Variants in ACAD11 observed in about 807,000 individuals in gnomAD.
ACAD11 encodes acyl-Coenzyme A dehydrogenase family, member 11.
A neutral mutation model predicts 102.2 loss-of-function variants in ACAD11; 83 were observed. The observed-to-expected ratio is 0.81, with a 90% confidence interval of 0.68 to 0.97. The LOEUF (loss-of-function observed/expected upper bound fraction) is 0.97, where lower values mean the gene tolerates loss of function less well. Among genes scored for constraint, ACAD11 ranks in the 50% least tolerant of loss-of-function variants. The pLI, the probability that ACAD11 is intolerant of heterozygous loss-of-function variation, is 0.00. For synonymous variants in ACAD11, 324 were observed against 319.8 expected (o/e 1.01, Z -0.14); for missense variants, 901 against 951.7 (o/e 0.95, Z 0.70).
chr3:132,582,198 G>A (rs997507708), intron 13 of ACAD11, among the ~76,000 whole-genome samples: 10 of 151,852 alleles, frequency 6.6e-5, no homozygotes, highest in Admixed American at 5.3e-4. Context: ...AGCAGAGAGA[G>A]TTATGAGACA....
intron 11 of ACAD11, 90 bp downstream of exon 11, chr3:132,618,544 T>A: frequency 8.7e-7 from 1 of 1,146,938 alleles, no homozygotes; most frequent in Non-Finnish European, 1.1e-6. Context: ...GTCAATAACT[T>A]TGTATAAAAA....
rs529748406 is a variant in ACAD11, at chr3:132,613,727, C to A, written c.1414+4907G>T. Reference sequence around the variant, plus strand: ...CAGCCTGGTCAGCATGGTGAAACCACATCTCTACTAAAAGTACAAAAATTA... The same window carrying A: ...CAGCCTGGTCAGCATGGTGAAACCAAATCTCTACTAAAAGTACAAAAATTA... On this transcript the variant is annotated intron_variant, in intron 11 of 19. Transcript: ENST00000264990. Among the ~76,000 whole-genome samples, 11 of 152,082 alleles carry A rather than the reference C, an allele frequency of 7.2e-5. No individual in the cohort carries two copies. In the South Asian group the frequency reaches 2.3e-3, roughly 32 times the overall value.
intron 13 of ACAD11, among the ~76,000 whole-genome samples, chr3:132,595,942 A>T (rs1451594425): frequency 3.9e-5 from 6 of 152,204 alleles, no homozygotes. Context: ...ACCCAAAGGA[A>T]TATAAATTAT....
chr3:132,621,474 C>T (rs1010956568), intron 9 of ACAD11, among the ~76,000 whole-genome samples: 4 of 151,908 alleles, frequency 2.6e-5, no homozygotes, highest in South Asian at 2.1e-4. Context: ...CTATCTTTCA[C>T]GAACTAGGGC....
Position 132,559,901 on chromosome 3 carries a change from T to C in ACAD11, c.2160A>G (p.Lys720=), listed in dbSNP as rs765277247. Residue 720 remains lysine (K), a synonymous_variant, in exon 19 of 20, where the codon AAA becomes AAG. Transcript: ENST00000264990. The part of the protein sequence containing the change: ...IKVAAPRAVS[K]IVDWAIQVCG... ...ACACCTGGATGGCCCAGTCAACGAT[T>C]TTGCTGACAGCCCGTGGGGCAGCCA... 1 of 1,613,658 alleles carries C rather than the reference T, an allele frequency of 6.2e-7. No individual in the cohort carries two copies. The highest frequency in any genetic ancestry group is 1.1e-5 in the South Asian group (1 of 91,026).
At chr3:132,633,244 T>C (rs1559969097) in intron 5 of ACAD11, among the ~76,000 whole-genome samples, 2 of 152,202 alleles carry the variant, frequency 1.3e-5, no homozygotes, top group Non-Finnish European at 2.9e-5. Flanking sequence ...TTGAGATACG[T>C]CCCATCGATA....
intron 19 of ACAD11, 128 bp downstream of exon 19, chr3:132,559,705 T>A: frequency 1.5e-6 from 1 of 678,166 alleles, no homozygotes; most frequent in Non-Finnish European, 2.6e-6. Context: ...TCTATATTAA[T>A]GTATATCACT....
chr3:132,589,474 G>A (rs78223356), intron 13 of ACAD11, among the ~76,000 whole-genome samples: 2,115 of 152,210 alleles, frequency 0.014, 32 homozygotes, highest in South Asian at 0.073. Context: ...TTTACAGAGC[G>A]TTCACTTCTA....
chr3:132,579,934 A>T (rs1271930180), intron 13 of ACAD11, among the ~76,000 whole-genome samples: 1 of 152,204 alleles, frequency 6.6e-6, no homozygotes, highest in African/African-American at 2.4e-5. Context: ...CCCACTTTCA[A>T]TAAGCCTGGT....
chr3:132,582,305 T>A (rs368029697), intron 13 of ACAD11, among the ~76,000 whole-genome samples: 1 of 149,554 alleles, frequency 6.7e-6, no homozygotes, highest in African/African-American at 2.5e-5. Context: ...TCTACAATTA[T>A]AATGGAAACC....
Position 132,626,808 on chromosome 3 carries a change from A to C in ACAD11, c.1080T>G (p.Ser360Arg). ...TGLQLSKRTF[S>R]TVLPQIDTTG... Reference sequence around the variant, plus strand: ...TAGTATCAATCTGTGGTAGTACAGTACTGAAAGTTCTTTGCCAAAAGAAAA... The same window carrying C: ...TAGTATCAATCTGTGGTAGTACAGTCCTGAAAGTTCTTTGCCAAAAGAAAA... Residue 360 changes from serine to arginine, a missense_variant, in exon 9 of 20, where the codon AGT (serine) becomes AGG (arginine). By Grantham distance (110) the Ser-to-Arg change is moderately radical. Coordinates refer to ENST00000264990, the MANE Select transcript of ACAD11 (RefSeq NM_032169.5). The C allele has an allele frequency of 1.2e-6, 2 of 1,606,738 alleles. No homozygotes were observed. Among genetic ancestry groups the C allele is most frequent in the Non-Finnish European group, 1.7e-6 (2 of 1,178,298 alleles).
At chr3:132,625,115 CT>C (rs1177178515) in intron 9 of ACAD11, among the ~76,000 whole-genome samples, 1 of 152,168 alleles carries the variant, frequency 6.6e-6, no homozygotes, top group African/African-American at 2.4e-5. Context: ...ATCTTGATTT[CT>C]TTTCCTCTTC....
chr3:132,594,637 T>C (rs1938220936), intron 13 of ACAD11, among the ~76,000 whole-genome samples: 1 of 152,174 alleles, frequency 6.6e-6, no homozygotes, highest in African/African-American at 2.4e-5. Flanking sequence ...GTATATCTGA[T>C]CTAATCTGAA....
Position 132,575,918 on chromosome 3 carries a change from T to C in ACAD11, c.1855A>G (p.Arg619Gly). 2.5e-6 allele frequency: 4 copies of C among 1,613,726 alleles called. No homozygotes were observed. The highest frequency in any genetic ancestry group is 3.4e-6 in the Non-Finnish European group (4 of 1,179,806). The change falls in exon 17 of 20, where the codon AGG (arginine) becomes GGG (glycine). Residue 619 changes from arginine (R) to glycine (G), a missense_variant. Transcript: ENST00000264990. ...CGGCCTTGGGAAATTTCAAATCCCC[T>C]ACCTTCACCTGGGAAGAAAGGGGAA... ...PATNLILGEGRGFEISQGRLG... is the reference protein window; with the variant it reads ...PATNLILGEGGGFEISQGRLG...
At chr3:132,636,516 A>G (rs1328365902) in intron 5 of ACAD11, among the ~76,000 whole-genome samples, 4 of 152,218 alleles carry the variant, frequency 2.6e-5, no homozygotes, top group Admixed American at 2.6e-4. Context: ...AAAATAATAG[A>G]ATTTGTAATG....
intron 14 of ACAD11, 173 bp downstream of exon 14, chr3:132,579,319 T>C: frequency 3.1e-6 from 2 of 652,760 alleles, no homozygotes; most frequent in Non-Finnish European, 5.1e-6. Context: ...CCTATAATGT[T>C]TTCCAAAAAC....
intron 6 of ACAD11, 89 bp from the exon 7 acceptor site, chr3:132,630,647 C>A (rs1031420374): frequency 1.8e-5 from 21 of 1,180,432 alleles, no homozygotes; most frequent in Non-Finnish European, 2.2e-5. Context: ...ATATGTAAAA[C>A]GGAATGTAAT....
At chr3:132,614,516 C>T (rs974865154) in intron 11 of ACAD11, among the ~76,000 whole-genome samples, 7 of 152,186 alleles carry the variant, frequency 4.6e-5, no homozygotes, top group Admixed American at 1.3e-4. Flanking sequence ...TCAGAAATAA[C>T]GCCACACATC....
intron 9 of ACAD11, among the ~76,000 whole-genome samples, chr3:132,624,037 A>G (rs1431327850): frequency 5.6e-5 from 7 of 125,734 alleles, no homozygotes; most frequent in Non-Finnish European, 1.1e-4. Context: ...AAAGTTGTTC[A>G]GGTGCAGGTG....
Sources: allele counts gnomAD v4.1 joint callset (sites outside exome capture counted in the v4.1 genomes callset), GRCh38; gene constraint gnomAD v4.1.1; transcripts MANE v1.5; gene names NCBI Gene and HGNC (gene_info 2026-07-23, HGNC 2026-07-21).